RABGAP1: variants seen among roughly 807,000 people sequenced by gnomAD.
RABGAP1 encodes rab GTPase-activating protein 1.
RABGAP1 carries 23 observed loss-of-function variants against 137.6 expected under a neutral mutation model. The observed-to-expected ratio is 0.17, with a 90% CI of 0.12 to 0.24. The LOEUF (loss-of-function observed/expected upper bound fraction) is 0.24, where lower values mean the gene tolerates loss of function less well. Ranked by LOEUF, RABGAP1 falls within the 10% of genes least tolerant of loss-of-function variation. The pLI is 1.00. For synonymous variants in RABGAP1, 451 were observed against 450.7 expected (o/e 1.00, Z -0.01); for missense variants, 906 against 1,275.8 (o/e 0.71, Z 4.42).
At chr9:122,997,207 CTG>C (rs1837069876) in intron 8 of RABGAP1, 50 bp from the exon 9 acceptor site, 1 of 1,389,136 alleles carries the variant, frequency 7.2e-7, no homozygotes, top group Non-Finnish European at 1.0e-6. Flanking sequence ...TGGGGGTTAA[CTG>C]TTGTTCACTC....
intron 17 of RABGAP1, 115 bp downstream of exon 17, chr9:123,074,543 A>G: frequency 1.7e-6 from 2 of 1,173,022 alleles, no homozygotes. Flanking sequence ...TAATTATTTT[A>G]TTTTATTGCT....
intron 13 of RABGAP1, among the ~76,000 whole-genome samples, chr9:123,064,996 C>T (rs150818828): frequency 1.1e-3 from 163 of 152,258 alleles, no homozygotes; most frequent in African/African-American, 3.8e-3. Flanking sequence ...ACTTTACCTC[C>T]TCCTTTTGCG....
intron 2 of RABGAP1, among the ~76,000 whole-genome samples, chr9:122,981,579 C>T (rs1228855354): frequency 1.3e-5 from 2 of 152,078 alleles, no homozygotes; most frequent in African/African-American, 4.8e-5. Context: ...AATACCACCC[C>T]AGACTTAGTT....
intron 12 of RABGAP1, among the ~76,000 whole-genome samples, chr9:123,020,032 G>A (rs528971923): frequency 6.7e-5 from 10 of 148,634 alleles, no homozygotes; most frequent in African/African-American, 1.7e-4. Flanking sequence ...GTGATTTCCA[G>A]TTTTGCTTTT....
intron 12 of RABGAP1, 142 bp from the exon 13 acceptor site, chr9:123,020,167 C>A (rs879202856): frequency 1.6e-6 from 1 of 636,818 alleles, no homozygotes; most frequent in Non-Finnish European, 2.2e-6. Context: ...TCATCTAATT[C>A]AGAAGCACTT....
intron 16 of RABGAP1, 110 bp downstream of exon 16, chr9:123,073,787 C>G: frequency 7.1e-7 from 1 of 1,417,692 alleles, no homozygotes; most frequent in Non-Finnish European, 9.7e-7. Context: ...CGATCCGTGG[C>G]TAAGGATGGG....
intron 10 of RABGAP1, among the ~76,000 whole-genome samples, chr9:122,999,727 T>A (rs1187872762): frequency 2.0e-5 from 3 of 151,690 alleles, no homozygotes; most frequent in Admixed American, 6.6e-5. Context: ...TTTTTTTTTT[T>A]AACCAGATTT....
chr9:123,075,458 C>T (rs2034481700), intron 17 of RABGAP1, among the ~76,000 whole-genome samples: 1 of 152,168 alleles, frequency 6.6e-6, no homozygotes, highest in African/African-American at 2.4e-5. Flanking sequence ...GAATTTGTAT[C>T]TACCACTCAG....
intron 2 of RABGAP1, among the ~76,000 whole-genome samples, chr9:122,970,760 A>G (rs1835427074): frequency 6.6e-6 from 1 of 152,220 alleles, no homozygotes; most frequent in East Asian, 1.9e-4. Flanking sequence ...TTGAAAGGTC[A>G]TTTGACAGCT....
chr9:122,960,616 T>C (rs1834802806), intron 2 of RABGAP1, among the ~76,000 whole-genome samples: 2 of 152,172 alleles, frequency 1.3e-5, no homozygotes, highest in Non-Finnish European at 1.5e-5. Flanking sequence ...CCAAAAATTA[T>C]AAGACATTCA....
At chr9:122,990,790 AAAAAAAATATATATATATATATATATAT>A (rs1836658303) in intron 6 of RABGAP1, 1 of 57,460 alleles carries the variant, frequency 1.7e-5, no homozygotes, top group Non-Finnish European at 3.2e-5. Context: ...AAAAAAAAAA[AAAAAAAATATATATATATATATATATAT>A]ATATATATAT....
intron 10 of RABGAP1, among the ~76,000 whole-genome samples, chr9:123,005,640 G>A (rs1328734400): frequency 6.6e-6 from 1 of 152,162 alleles, no homozygotes; most frequent in Non-Finnish European, 1.5e-5. Context: ...GATGAACTAT[G>A]GGCTTTTCAA....
At chr9:123,093,494 G>A (rs1169851674) in intron 21 of RABGAP1, among the ~76,000 whole-genome samples, 1 of 152,220 alleles carries the variant, frequency 6.6e-6, no homozygotes, top group Admixed American at 6.5e-5. Context: ...ACTTGCTGGT[G>A]AGCCCAACTG....
intron 13 of RABGAP1, among the ~76,000 whole-genome samples, chr9:123,022,009 T>C (rs544503185): frequency 7.9e-5 from 12 of 152,370 alleles, no homozygotes; most frequent in African/African-American, 2.9e-4. Flanking sequence ...GTACTCATAG[T>C]ATGAACAGAG....
chr9:122,988,972 A>G (rs969124218), intron 4 of RABGAP1, among the ~76,000 whole-genome samples: 11 of 151,798 alleles, frequency 7.2e-5, no homozygotes, highest in South Asian at 6.2e-4. Flanking sequence ...CACAGCTTCA[A>G]TGATGTATTT....
the RABGAP1 span, among the ~76,000 whole-genome samples, chr9:122,932,474 T>C: frequency 6.6e-6 from 1 of 152,210 alleles, no homozygotes. Context: ...TTGTATGTTG[T>C]GTTATTTTCA....
At chr9:123,021,330 CTTTTT>C (rs397944903) in intron 13 of RABGAP1, among the ~76,000 whole-genome samples, 66 of 111,940 alleles carry the variant, frequency 5.9e-4, no homozygotes, top group African/African-American at 2.4e-3. Flanking sequence ...GAAGAGCAGG[CTTTTT>C]TTTTTTTTTT....
intron 13 of RABGAP1, among the ~76,000 whole-genome samples, chr9:123,036,813 G>A (rs1437544858): frequency 2.0e-5 from 3 of 151,330 alleles, no homozygotes; most frequent in African/African-American, 7.3e-5. Flanking sequence ...AGTTCTTAAT[G>A]GTCTTTTTTT....
chr9:123,057,613 C>T (rs371547522), intron 13 of RABGAP1, among the ~76,000 whole-genome samples: 3 of 152,032 alleles, frequency 2.0e-5, no homozygotes, highest in Admixed American at 6.5e-5. Flanking sequence ...AGACGATGGG[C>T]GGCCAGGCAG....
Sources: gnomAD v4.1 joint callset for allele counts (sites outside exome capture counted in the v4.1 genomes callset) on GRCh38, gnomAD v4.1.1 for gene constraint, MANE v1.5 for transcripts, NCBI Gene and HGNC (gene_info 2026-07-23, HGNC 2026-07-21) for gene names.